RIMS2: variants seen among roughly 807,000 people sequenced by gnomAD.
RIMS2 encodes regulating synaptic membrane exocytosis protein 2.
In RIMS2, 59 loss-of-function variants were observed where a neutral mutation model predicts 174.4. That is an observed-to-expected ratio of 0.34 (90% CI 0.27 to 0.42). The LOEUF (loss-of-function observed/expected upper bound fraction) is 0.42. RIMS2 is among the 10% of genes least tolerant of loss of function. The pLI is 1.00. For missense variants in RIMS2, 1,620 were observed against 1,666.3 expected (o/e 0.97, Z 0.48); for synonymous variants, 606 against 572.5 (o/e 1.06, Z -0.84).
rs568910842 is a variant in RIMS2, at chr8:104,188,178, G to A, written c.3335-56738G>A. ...CTTGAGGGCCACTTTTATTAGGGAA[G>A]GCGAAGTAGGAATGAAGAAGTGGGA... On this transcript the variant is annotated intron_variant, in intron 19 of 23. Coordinates refer to ENST00000504942, the Ensembl canonical transcript of RIMS2. Among the ~76,000 whole-genome samples the A allele has an allele frequency of 8.6e-5, 13 of 151,512 alleles. No homozygotes were observed. In the South Asian group the frequency reaches 2.7e-3, roughly 31 times the overall value.
At chr8:103,916,480 T>C in exon 8 of RIMS2, 1 of 1,611,464 alleles carries the variant, frequency 6.2e-7, no homozygotes, top group Non-Finnish European at 8.5e-7. Flanking sequence ...GTGTACAACA[T>C]CATTCTAGAA....
At chr8:103,581,457 T>C (rs2132826350) in intron 1 of RIMS2, among the ~76,000 whole-genome samples, 1 of 152,266 alleles carries the variant, frequency 6.6e-6, no homozygotes, top group South Asian at 2.1e-4. Flanking sequence ...ACACACTGAA[T>C]GTAGAAGGAA....
chr8:103,876,909 T>TATATATATATATAC (rs71297243), intron 3 of RIMS2, among the ~76,000 whole-genome samples: 18 of 66,096 alleles, frequency 2.7e-4, no homozygotes, highest in South Asian at 6.4e-4. Flanking sequence ...TATATATATA[T>TATATATATATATAC]ACACACACAC....
chr8:103,679,417 G>A (rs1458609948), intron 1 of RIMS2, among the ~76,000 whole-genome samples: 1 of 151,990 alleles, frequency 6.6e-6, no homozygotes, highest in Non-Finnish European at 1.5e-5. Context: ...TGACCTCACA[G>A]TGGCAAGTGT....
chr8:104,162,388 A>G (rs1486615884), intron 19 of RIMS2, among the ~76,000 whole-genome samples: 3 of 152,212 alleles, frequency 2.0e-5, no homozygotes, highest in Non-Finnish European at 4.4e-5. Context: ...AGAAGAATTT[A>G]TCAGTCATTA....
intron 19 of RIMS2, among the ~76,000 whole-genome samples, chr8:104,078,099 G>A (rs929161468): frequency 5.3e-5 from 8 of 150,534 alleles, no homozygotes; most frequent in Non-Finnish European, 1.2e-4. Context: ...AGCCGAGATC[G>A]CTGCACTCCA....
At chr8:103,968,611 T>C (rs2092448269) in intron 15 of RIMS2, among the ~76,000 whole-genome samples, 2 of 152,110 alleles carry the variant, frequency 1.3e-5, no homozygotes, top group Non-Finnish European at 2.9e-5. Context: ...TGTTATATCA[T>C]ATACTTAGAA....
intron 1 of RIMS2, among the ~76,000 whole-genome samples, chr8:103,570,896 C>T (rs576936213): frequency 6.6e-6 from 1 of 152,208 alleles, no homozygotes; most frequent in African/African-American, 2.4e-5. Context: ...ATTACTTTTG[C>T]ACCAACCTAA....
intron 1 of RIMS2, among the ~76,000 whole-genome samples, chr8:103,600,126 A>T (rs1004789611): frequency 1.3e-5 from 2 of 152,060 alleles, no homozygotes; most frequent in African/African-American, 4.8e-5. Context: ...TTTACATCCC[A>T]CAAATGAGTG....
intron 1 of RIMS2, among the ~76,000 whole-genome samples, chr8:103,637,031 G>A (rs972319447): frequency 6.6e-6 from 1 of 152,124 alleles, no homozygotes; most frequent in African/African-American, 2.4e-5. Context: ...AAACTAGAAG[G>A]CTCTCTGAGA....
At chr8:103,680,252 T>A (rs1483281951) in intron 1 of RIMS2, among the ~76,000 whole-genome samples, 2 of 152,066 alleles carry the variant, frequency 1.3e-5, no homozygotes, top group Non-Finnish European at 2.9e-5. Context: ...TAGTATATGA[T>A]AGATTGATAT....
chr8:103,759,737 A>G (rs1215538094), intron 2 of RIMS2, among the ~76,000 whole-genome samples: 2 of 152,186 alleles, frequency 1.3e-5, no homozygotes, highest in Non-Finnish European at 2.9e-5. Context: ...AAGCTGCAGA[A>G]TAGACAGCTT....
intron 1 of RIMS2, among the ~76,000 whole-genome samples, chr8:103,607,165 C>T (rs1346296118): frequency 6.6e-6 from 1 of 151,972 alleles, no homozygotes; most frequent in Non-Finnish European, 1.5e-5. Context: ...ATGTGTAGTG[C>T]TTCCTTCAGG....
chr8:103,953,625 C>T (rs1004163850), intron 14 of RIMS2, among the ~76,000 whole-genome samples: 15 of 152,192 alleles, frequency 9.9e-5, no homozygotes, highest in Admixed American at 2.0e-4. Context: ...AAGGAACAAC[C>T]GATACCAGCC....
intron 10 of RIMS2, chr8:103,922,648 G>A (rs1473941070): frequency 5.0e-6 from 2 of 398,132 alleles, no homozygotes; most frequent in Non-Finnish European, 1.0e-5. Flanking sequence ...AAAAGTTACA[G>A]TTAAAAACTA....
At chr8:104,143,879 T>C (rs2098606273) in intron 19 of RIMS2, among the ~76,000 whole-genome samples, 1 of 152,214 alleles carries the variant, frequency 6.6e-6, no homozygotes, top group Admixed American at 6.5e-5. Context: ...TGATGAAATA[T>C]TTGTTTTGGC....
At chr8:103,795,039 G>T (rs1451990179) in intron 3 of RIMS2, among the ~76,000 whole-genome samples, 1 of 152,184 alleles carries the variant, frequency 6.6e-6, no homozygotes, top group African/African-American at 2.4e-5. Flanking sequence ...ATTCCTCAGG[G>T]ATCTAGAACT....
intron 1 of RIMS2, among the ~76,000 whole-genome samples, chr8:103,631,043 A>G (rs2095906237): frequency 6.6e-6 from 1 of 152,102 alleles, no homozygotes; most frequent in Non-Finnish European, 1.5e-5. Flanking sequence ...TGCATAGTTC[A>G]CAAATATTTT....
chr8:103,549,999 T>G (rs1254356669), intron 1 of RIMS2, among the ~76,000 whole-genome samples: 2 of 152,078 alleles, frequency 1.3e-5, no homozygotes, highest in Admixed American at 6.5e-5. Context: ...TCCCACACAA[T>G]AATAATGGGA....
Sources: gnomAD v4.1 joint callset for allele counts (sites outside exome capture counted in the v4.1 genomes callset) on GRCh38, gnomAD v4.1.1 for gene constraint, MANE v1.5 for transcripts, NCBI Gene and HGNC (gene_info 2026-07-23, HGNC 2026-07-21) for gene names.